The following UMAD1 variants were observed in gnomAD, a reference collection of about 807,000 sequenced individuals.
UMAD1 encodes UBAP1-MVB12-associated (UMA)-domain containing protein 1.
In UMAD1, 8 loss-of-function variants were observed where a neutral mutation model predicts 6.1. That is an observed-to-expected ratio of 1.30 (90% CI 0.76 to 2.35). The LOEUF (loss-of-function observed/expected upper bound fraction) is 2.35. Ranked by LOEUF, UMAD1 falls within the 30% of genes most tolerant of loss-of-function variation. The pLI, the probability that UMAD1 is intolerant of heterozygous loss-of-function variation, is 0.00. For synonymous variants in UMAD1, 56 were observed against 31.4 expected, an observed-to-expected ratio of 1.78 and a Z score of -2.61; for missense variants, 130 against 78.4, an observed-to-expected ratio of 1.66 and a Z score of -2.49.
At chr7:7,759,480 A>G (rs1781842301) in intron 2 of UMAD1, among the ~76,000 whole-genome samples, 1 of 152,238 alleles carries the variant, frequency 6.6e-6, no homozygotes, top group African/African-American at 2.4e-5. Context: ...AACTTGACTG[A>G]GAATTTACAA....
chr7:7,758,846 C>T (rs1029731626), intron 2 of UMAD1, among the ~76,000 whole-genome samples: 3 of 151,948 alleles, frequency 2.0e-5, no homozygotes, highest in Non-Finnish European at 4.4e-5. Context: ...TTTGTGGACA[C>T]TCTCTCTCTC....
intron 3 of UMAD1, among the ~76,000 whole-genome samples, chr7:7,815,863 A>G (rs1169242105): frequency 2.6e-5 from 4 of 152,210 alleles, no homozygotes; most frequent in Non-Finnish European, 5.9e-5. Context: ...GGTCTCTGAC[A>G]TAGATATCAA....
chr7:7,643,066 C>A (rs6968959), intron 1 of UMAD1, among the ~76,000 whole-genome samples: 2,597 of 152,202 alleles, frequency 0.017, 72 homozygotes, highest in African/African-American at 0.06. Flanking sequence ...GGCTCTCCCC[C>A]AACCCACTAG....
intron 1 of UMAD1, among the ~76,000 whole-genome samples, chr7:7,653,744 T>C (rs566620595): frequency 6.0e-4 from 92 of 152,328 alleles, no homozygotes; most frequent in African/African-American, 2.0e-3. Context: ...GAAGTCCCTT[T>C]CTTGTAATGT....
chr7:7,802,473 A>G (rs1056350101), intron 3 of UMAD1, among the ~76,000 whole-genome samples: 23 of 152,292 alleles, frequency 1.5e-4, no homozygotes, highest in African/African-American at 5.1e-4. Flanking sequence ...AAACTAGGGT[A>G]TTTATTCTTT....
intron 1 of UMAD1, among the ~76,000 whole-genome samples, chr7:7,663,889 C>G (rs1727121923): frequency 6.6e-6 from 1 of 152,126 alleles, no homozygotes; most frequent in Non-Finnish European, 1.5e-5. Context: ...TCAAAACAAG[C>G]AAAGGTGGGA....
At chr7:7,677,071 T>C (rs1186510045) in intron 2 of UMAD1, among the ~76,000 whole-genome samples, 3 of 152,178 alleles carry the variant, frequency 2.0e-5, no homozygotes, top group Non-Finnish European at 4.4e-5. Flanking sequence ...CATGGACACA[T>C]ACTTGCACAC....
chr7:7,840,295 G>C (rs1783653032), intron 3 of UMAD1, among the ~76,000 whole-genome samples: 1 of 152,072 alleles, frequency 6.6e-6, no homozygotes. Context: ...ATGAAGTGTT[G>C]GATGGGTTGT....
intron 3 of UMAD1, among the ~76,000 whole-genome samples, chr7:7,845,985 C>G (rs139498522): frequency 6.6e-6 from 1 of 152,086 alleles, no homozygotes; most frequent in Non-Finnish European, 1.5e-5. Flanking sequence ...TTAACACTCT[C>G]TTTGCTAGTA....
intron 1 of UMAD1, among the ~76,000 whole-genome samples, chr7:7,648,255 A>C (rs1402020185): frequency 2.0e-5 from 3 of 152,334 alleles, no homozygotes; most frequent in Non-Finnish European, 2.9e-5. Flanking sequence ...CGTTTGACAG[A>C]TCATGAGTGA....
intron 2 of UMAD1, among the ~76,000 whole-genome samples, chr7:7,728,277 C>T (rs992049241): frequency 4.6e-5 from 7 of 152,196 alleles, no homozygotes; most frequent in Non-Finnish European, 1.0e-4. Flanking sequence ...TCGCTGTTCA[C>T]AGCTGGCGGC....
In UMAD1 at chr7:7,790,984, G is replaced by A. The variant is rs148768076; in HGVS notation, c.83-10686G>A. 2.1e-3 allele frequency among the ~76,000 whole-genome samples: 313 copies of A among 152,158 alleles called. 1 individual carries two copies. The highest frequency in any genetic ancestry group is 7.2e-3 in the African/African-American group (299 of 41,498). On this transcript the variant is annotated intron_variant, in intron 2 of 3. Coordinates refer to ENST00000682710, the MANE Select transcript of UMAD1 (RefSeq NM_001302348.2). Reference sequence around the variant, plus strand: ...TGGCTCACTGCAACCTCCGCCTCCCGGGCTCAAGCACTCCTCCTGTCTCAG... The same window carrying A: ...TGGCTCACTGCAACCTCCGCCTCCCAGGCTCAAGCACTCCTCCTGTCTCAG...
Position 7,855,391 on chromosome 7 carries a change from A to G in UMAD1, c.157-21890A>G, listed in dbSNP as rs139594900. Among the ~76,000 whole-genome samples the G allele has an allele frequency of 7.9e-5, 12 of 152,350 alleles. No homozygotes were observed. The East Asian group carries it at 2.3e-3, about 29-fold the overall frequency. Reference sequence around the variant, plus strand: ...CAGGAGTTTCCATACATCCTTTGAAATCTAGGCAAAGGTTCCCAGACATTA... The same window carrying G: ...CAGGAGTTTCCATACATCCTTTGAAGTCTAGGCAAAGGTTCCCAGACATTA... On this transcript the variant is annotated intron_variant, in intron 3 of 3. Coordinates refer to ENST00000682710, the MANE Select transcript of UMAD1 (RefSeq NM_001302348.2).
intron 2 of UMAD1, chr7:7,685,914 A>G (rs1780032168): frequency 6.6e-6 from 1 of 152,232 alleles, no homozygotes; most frequent in Non-Finnish European, 1.5e-5. Context: ...GTAATCAGTA[A>G]GTGAACATTC....
chr7:7,673,331 CAGCAG>C lies in UMAD1; in HGVS notation c.-40_-36del. ...CAGGTAGCAGCAGCAGCAGCAGCAG[CAGCAG>C]CAGCAGCAGCAGCAGCAGCAGCAGC... On this transcript the variant is annotated 5_prime_UTR_variant, in exon 2 of 4. Coordinates refer to ENST00000682710, the MANE Select transcript of UMAD1 (RefSeq NM_001302348.2). The C allele has an allele frequency of 1.7e-6, 2 of 1,187,212 alleles. No individual in the cohort carries two copies. Among genetic ancestry groups the C allele is most frequent in the Non-Finnish European group, 2.4e-6 (2 of 836,412 alleles). The allele number at this position is 1,187,212 out of a possible 1,614,324, so 73.5% of individuals were successfully genotyped here. A position where few individuals can be genotyped will look rare whatever the true frequency, so the allele number is the denominator to read the frequency against.
chr7:7,675,221 G>C (rs574673759), intron 2 of UMAD1, among the ~76,000 whole-genome samples: 1 of 152,218 alleles, frequency 6.6e-6, no homozygotes, highest in African/African-American at 2.4e-5. Context: ...TTATCAAATA[G>C]CCATTTAGAG....
intron 2 of UMAD1, among the ~76,000 whole-genome samples, chr7:7,746,228 C>G (rs143478035): frequency 6.6e-6 from 1 of 152,134 alleles, no homozygotes; most frequent in African/African-American, 2.4e-5. Flanking sequence ...GGTAAAAGCA[C>G]AGTGTACTGT....
chr7:7,690,697 A>T (rs1016526356), intron 2 of UMAD1, among the ~76,000 whole-genome samples: 1 of 152,080 alleles, frequency 6.6e-6, no homozygotes, highest in Non-Finnish European at 1.5e-5. Flanking sequence ...TGTTTTTGCT[A>T]AGGAGAGAAA....
At chr7:7,757,996 G>A (rs1781811564) in intron 2 of UMAD1, among the ~76,000 whole-genome samples, 1 of 152,132 alleles carries the variant, frequency 6.6e-6, no homozygotes, top group African/African-American at 2.4e-5. Context: ...GTAGAGGGAG[G>A]AATCTGGGAT....
Sources: gnomAD v4.1 joint callset for allele counts (sites outside exome capture counted in the v4.1 genomes callset) on GRCh38, gnomAD v4.1.1 for gene constraint, MANE v1.5 for transcripts, NCBI Gene and HGNC (gene_info 2026-07-23, HGNC 2026-07-21) for gene names.